PPP1R9A: variants seen among roughly 807,000 people sequenced by gnomAD.
PPP1R9A encodes the protein neurabin-1.
In PPP1R9A, 59 loss-of-function variants were observed where a neutral mutation model predicts 141.9. The observed-to-expected ratio is 0.42, with a 90% confidence interval of 0.34 to 0.52. PPP1R9A has a LOEUF of 0.52. Among genes scored for constraint, PPP1R9A ranks in the 20% least tolerant of loss-of-function variants. The pLI, the probability that PPP1R9A is intolerant of heterozygous loss-of-function variation, is 0.10. For synonymous variants in PPP1R9A, 500 were observed against 569.7 expected, an observed-to-expected ratio of 0.88 and a Z score of 1.74; for missense variants, 1,444 against 1,611.9, an observed-to-expected ratio of 0.90 and a Z score of 1.78.
intron 2 of PPP1R9A, among the ~76,000 whole-genome samples, chr7:94,960,618 A>G (rs1233292266): frequency 6.6e-6 from 1 of 151,718 alleles, no homozygotes; most frequent in African/African-American, 2.4e-5. Flanking sequence ...CATTCTTACC[A>G]TAAACCCCCA....
intron 2 of PPP1R9A, among the ~76,000 whole-genome samples, chr7:94,974,968 A>G (rs1016436139): frequency 7.2e-5 from 11 of 152,304 alleles, no homozygotes; most frequent in African/African-American, 2.6e-4. Flanking sequence ...AGGAAAGTTT[A>G]TAGTATCTGA....
In PPP1R9A at chr7:95,292,106, T is replaced by C. The variant is rs960109063; in HGVS notation, c.*1803T>C. The C allele has an allele frequency of 8.5e-5, 13 of 152,216 alleles. No homozygotes were observed. The highest frequency in any genetic ancestry group is 2.2e-4 in the African/African-American group (9 of 41,454). 9.4% of individuals were successfully genotyped at this position (152,216 alleles called of 1,614,324 possible). A position where few individuals can be genotyped will look rare whatever the true frequency, so the allele number is the denominator to read the frequency against. ...GAAACGTTGACATGAAGTAACATTG[T>C]GTTTTACAGTTATCAAAGTCACCAT... On this transcript the variant is annotated 3_prime_UTR_variant, in exon 20 of 20. Transcript: ENST00000433360.
chr7:95,125,311 T>A (rs1393256236), intron 4 of PPP1R9A, among the ~76,000 whole-genome samples: 1 of 152,174 alleles, frequency 6.6e-6, no homozygotes, highest in Non-Finnish European at 1.5e-5. Flanking sequence ...TTACTTGGGC[T>A]TATCATTTTT....
intron 2 of PPP1R9A, among the ~76,000 whole-genome samples, chr7:94,957,863 C>T (rs1797231777): frequency 6.6e-6 from 1 of 151,904 alleles, no homozygotes; most frequent in African/African-American, 2.4e-5. Context: ...GTTTTTCTAC[C>T]TTTGACTAAC....
At chr7:95,216,481 A>C (rs1793452785) in intron 7 of PPP1R9A, among the ~76,000 whole-genome samples, 1 of 152,274 alleles carries the variant, frequency 6.6e-6, no homozygotes, top group South Asian at 2.1e-4. Context: ...ACTTTAGAGT[A>C]GTTTTTTCCA....
intron 4 of PPP1R9A, among the ~76,000 whole-genome samples, chr7:95,158,470 C>A (rs949751067): frequency 6.6e-6 from 1 of 152,054 alleles, no homozygotes; most frequent in African/African-American, 2.4e-5. Context: ...GCCTAGGCAA[C>A]ATAGTGAGAC....
At chr7:94,933,762 A>G (rs1794445792) in intron 2 of PPP1R9A, among the ~76,000 whole-genome samples, 1 of 152,172 alleles carries the variant, frequency 6.6e-6, no homozygotes, top group Non-Finnish European at 1.5e-5. Context: ...CCAAGAACTT[A>G]AGCATGGAGT....
At chr7:95,213,255 A>G (rs1418103042) in intron 7 of PPP1R9A, among the ~76,000 whole-genome samples, 1 of 151,752 alleles carries the variant, frequency 6.6e-6, no homozygotes, top group East Asian at 1.9e-4. Flanking sequence ...ATTATTCAAA[A>G]ATTTGAATTT....
At chr7:95,217,138 T>A (rs564149157) in intron 7 of PPP1R9A, among the ~76,000 whole-genome samples, 6 of 152,318 alleles carry the variant, frequency 3.9e-5, no homozygotes, top group Admixed American at 3.3e-4. Context: ...TTGAGATATG[T>A]CCCAACAATA....
At chr7:94,993,592 C>T in intron 2 of PPP1R9A, among the ~76,000 whole-genome samples, 1 of 152,104 alleles carries the variant, frequency 6.6e-6, no homozygotes, top group Non-Finnish European at 1.5e-5. Context: ...TTCTAGTGTA[C>T]ATATCTTACA....
At chr7:95,277,346 A>G (rs1803391348) in intron 16 of PPP1R9A, among the ~76,000 whole-genome samples, 1 of 152,242 alleles carries the variant, frequency 6.6e-6, no homozygotes, top group Non-Finnish European at 1.5e-5. Flanking sequence ...GAGGCTAATA[A>G]TAATAAACAA....
chr7:95,198,316 C>T (rs1387815037), intron 5 of PPP1R9A, 33 bp from the exon 6 acceptor site: 2 of 1,569,288 alleles, frequency 1.3e-6, no homozygotes, highest in Admixed American at 3.9e-5. Flanking sequence ...GTTGGAGAGT[C>T]TTAAATATTA....
chr7:95,098,705 T>A (rs1267686713), intron 2 of PPP1R9A, among the ~76,000 whole-genome samples: 1 of 152,164 alleles, frequency 6.6e-6, no homozygotes, highest in East Asian at 1.9e-4. Context: ...GAATGAACAG[T>A]TAAGTTCCTT....
chr7:95,185,366 CT>C (rs1834488323), intron 5 of PPP1R9A, among the ~76,000 whole-genome samples: 1 of 115,152 alleles, frequency 8.7e-6, no homozygotes, highest in Non-Finnish European at 1.7e-5. Flanking sequence ...CCCTAGCCCA[CT>C]TTTTTATGGG....
intron 5 of PPP1R9A, among the ~76,000 whole-genome samples, chr7:95,195,060 G>A (rs1836041018): frequency 6.6e-6 from 1 of 152,042 alleles, no homozygotes; most frequent in African/African-American, 2.4e-5. Context: ...AATCAGAGAA[G>A]TGTGTTATTA....
At chr7:95,095,783 A>C (rs1410719944) in intron 2 of PPP1R9A, among the ~76,000 whole-genome samples, 1 of 152,210 alleles carries the variant, frequency 6.6e-6, no homozygotes, top group Admixed American at 6.5e-5. Flanking sequence ...TTAGGTTTAC[A>C]AGCTCAGCCT....
chr7:95,180,250 A>C (rs966030437), intron 5 of PPP1R9A, among the ~76,000 whole-genome samples: 2 of 152,118 alleles, frequency 1.3e-5, no homozygotes, highest in Non-Finnish European at 2.9e-5. Flanking sequence ...TTTTCGACAA[A>C]GCAAACAAAA....
At chr7:94,924,399 C>T (rs1415578805) in intron 2 of PPP1R9A, among the ~76,000 whole-genome samples, 1 of 152,120 alleles carries the variant, frequency 6.6e-6, no homozygotes, top group Non-Finnish European at 1.5e-5. Context: ...CTGGAGCTCC[C>T]TCAGGAGATT....
chr7:95,127,971 C>T (rs1412371357), intron 4 of PPP1R9A, among the ~76,000 whole-genome samples: 3 of 152,162 alleles, frequency 2.0e-5, no homozygotes, highest in Non-Finnish European at 4.4e-5. Context: ...AATAGATTTG[C>T]AGTGAACATG....
Sources: allele counts gnomAD v4.1 joint callset (sites outside exome capture counted in the v4.1 genomes callset), GRCh38; gene constraint gnomAD v4.1.1; transcripts MANE v1.5; gene names NCBI Gene and HGNC (gene_info 2026-07-23, HGNC 2026-07-21).